Variants in PIP5K1B observed in about 807,000 individuals in gnomAD.
PIP5K1B encodes phosphatidylinositol 4-phosphate 5-kinase type-1 beta.
A neutral mutation model predicts 67.0 loss-of-function variants in PIP5K1B; 42 were observed. The observed-to-expected ratio is 0.63, with a 90% confidence interval of 0.49 to 0.81. The LOEUF (loss-of-function observed/expected upper bound fraction) is 0.81, where lower values mean the gene tolerates loss of function less well. Ranked by LOEUF, PIP5K1B falls within the 30% of genes least tolerant of loss-of-function variation. The pLI is 0.00. For synonymous variants in PIP5K1B, 214 were observed against 231.4 expected (o/e 0.92, Z 0.68); for missense variants, 459 against 646.3 (o/e 0.71, Z 3.14).
At chr9:68,956,901 G>A (rs2132719802) in intron 14 of PIP5K1B, among the ~76,000 whole-genome samples, 1 of 152,296 alleles carries the variant, frequency 6.6e-6, no homozygotes, top group East Asian at 1.9e-4. Flanking sequence ...CACCTCAGGT[G>A]CCAGCAGTCT....
intron 2 of PIP5K1B, chr9:68,781,687 A>G (rs1289210868): frequency 6.0e-6 from 1 of 166,780 alleles, no homozygotes; most frequent in East Asian, 1.9e-4. Context: ...ATGAGATTTT[A>G]ATAGTAATTC....
intron 1 of PIP5K1B, among the ~76,000 whole-genome samples, chr9:68,717,870 A>G (rs998260059): frequency 1.3e-5 from 2 of 152,242 alleles, no homozygotes; most frequent in Non-Finnish European, 2.9e-5. Context: ...GTACTTAGCC[A>G]TACCACATGA....
At chr9:68,973,096 C>T (rs1829471077) in intron 14 of PIP5K1B, among the ~76,000 whole-genome samples, 1 of 152,086 alleles carries the variant, frequency 6.6e-6, no homozygotes, top group African/African-American at 2.4e-5. Flanking sequence ...CAAGCAAGCC[C>T]CAGCTAAGTA....
intron 14 of PIP5K1B, among the ~76,000 whole-genome samples, chr9:68,958,621 T>G (rs578214295): frequency 1.1e-4 from 16 of 152,324 alleles, no homozygotes; most frequent in Non-Finnish European, 2.4e-4. Flanking sequence ...TTCTTTGCTT[T>G]TTTTCTCCTA....
At chr9:68,917,896 G>C in intron 9 of PIP5K1B, 137 bp downstream of exon 9, 1 of 636,374 alleles carries the variant, frequency 1.6e-6, no homozygotes, top group East Asian at 2.7e-5. Flanking sequence ...GGTTAAACTG[G>C]TCTCCATTTC....
chr9:68,997,833 A>G (rs1478863949), intron 15 of PIP5K1B, among the ~76,000 whole-genome samples: 2 of 152,186 alleles, frequency 1.3e-5, no homozygotes, highest in African/African-American at 4.8e-5. Context: ...TTTTTAAAAA[A>G]CAAACAGCAT....
intron 6 of PIP5K1B, among the ~76,000 whole-genome samples, chr9:68,885,340 C>T (rs879391517): frequency 6.6e-6 from 1 of 152,072 alleles, no homozygotes; most frequent in African/African-American, 2.4e-5. Flanking sequence ...AAAATGTTGG[C>T]GAATGGATAT....
intron 2 of PIP5K1B, among the ~76,000 whole-genome samples, chr9:68,809,949 G>A (rs1833072372): frequency 6.6e-6 from 1 of 152,156 alleles, no homozygotes; most frequent in African/African-American, 2.4e-5. Flanking sequence ...CTAGCTTACT[G>A]CCTGACATGT....
At chr9:68,723,199 G>GGAGA (rs982712270) in intron 1 of PIP5K1B, among the ~76,000 whole-genome samples, 1 of 32,604 alleles carries the variant, frequency 3.1e-5, no homozygotes, top group African/African-American at 1.3e-4. Context: ...AGAGAGAGAG[G>GGAGA]GAGAGAGAGA....
intron 2 of PIP5K1B, among the ~76,000 whole-genome samples, chr9:68,807,847 T>G (rs1832953407): frequency 6.6e-6 from 1 of 152,172 alleles, no homozygotes; most frequent in South Asian, 2.1e-4. Flanking sequence ...TGAGAAATAT[T>G]GCCATGTAGT....
rs946597505 is a variant in PIP5K1B, at chr9:68,934,770, T to G, written c.1202-120T>G. 9.3e-6 allele frequency: 6 copies of G among 646,758 alleles called. No individual in the cohort carries two copies. The Admixed American group carries it at 1.5e-4, about 16-fold the overall frequency. 40.1% of individuals were successfully genotyped at this position (646,758 alleles called of 1,614,324 possible). A position where few individuals can be genotyped will look rare whatever the true frequency, so the allele number is the denominator to read the frequency against. ...TTTCCATATATATAAAATAAGCGTC[T>G]TGTCTTCTATTCAAATAATAACTAA... On this transcript the variant is annotated intron_variant, in intron 12 of 15. Coordinates refer to ENST00000265382, the MANE Select transcript of PIP5K1B (RefSeq NM_003558.4).
chr9:68,863,098 T>C (rs1488257411), intron 4 of PIP5K1B, among the ~76,000 whole-genome samples: 1 of 152,224 alleles, frequency 6.6e-6, no homozygotes, highest in Admixed American at 6.5e-5. Flanking sequence ...CATTTTGGTC[T>C]GGATGATTCT....
intron 2 of PIP5K1B, among the ~76,000 whole-genome samples, chr9:68,799,648 G>C (rs148731483): frequency 3.3e-4 from 51 of 152,330 alleles, no homozygotes; most frequent in African/African-American, 1.2e-3. Flanking sequence ...GGGAAAGATA[G>C]TACCTTCAAC....
chr9:68,885,563 A>G (rs1302009325), intron 6 of PIP5K1B, among the ~76,000 whole-genome samples: 1 of 152,212 alleles, frequency 6.6e-6, no homozygotes, highest in East Asian at 1.9e-4. Context: ...CCCAATACAT[A>G]TATACAATTA....
At chr9:68,778,606 T>C (rs914237820) in intron 2 of PIP5K1B, among the ~76,000 whole-genome samples, 1 of 152,240 alleles carries the variant, frequency 6.6e-6, no homozygotes, top group African/African-American at 2.4e-5. Flanking sequence ...AAGAATCTTA[T>C]CTGTACTGTT....
intron 1 of PIP5K1B, among the ~76,000 whole-genome samples, chr9:68,719,715 C>T (rs186303826): frequency 1.6e-3 from 247 of 152,214 alleles, no homozygotes; most frequent in Middle Eastern, 0.014. Context: ...TTATAGGAAA[C>T]AGAATGGAAA....
chr9:68,765,865 G>T (rs1403680633), intron 2 of PIP5K1B, among the ~76,000 whole-genome samples: 2 of 152,182 alleles, frequency 1.3e-5, no homozygotes, highest in Non-Finnish European at 2.9e-5. Flanking sequence ...TCTCAAGGGT[G>T]ATGTGTTTAC....
intron 2 of PIP5K1B, among the ~76,000 whole-genome samples, chr9:68,803,473 A>G (rs1832712340): frequency 6.6e-6 from 1 of 152,244 alleles, no homozygotes; most frequent in Non-Finnish European, 1.5e-5. Flanking sequence ...AGAGAGCCCA[A>G]GAAAAAGTGT....
rs534943610 is a variant in PIP5K1B, at chr9:68,940,051, T to A, written c.1358-595T>A. The stretch of plus-strand genomic sequence containing the variant: ...GGGCCCCTAAGTTTTAAAGAAAAAA[T>A]AAGTGTTTTCTCATTTTTAAAAAAG... On this transcript the variant is annotated intron_variant, in intron 13 of 15. Transcript: ENST00000265382. Among the ~76,000 whole-genome samples, 29 of 152,190 alleles carry A rather than the reference T, an allele frequency of 1.9e-4. No individual in the cohort carries two copies. The East Asian group carries it at 4.6e-3, about 24-fold the overall frequency.
Sources: allele counts gnomAD v4.1 joint callset (sites outside exome capture counted in the v4.1 genomes callset), GRCh38; gene constraint gnomAD v4.1.1; transcripts MANE v1.5; gene names NCBI Gene and HGNC (gene_info 2026-07-23, HGNC 2026-07-21).